The following RUNDC3B variants were observed in gnomAD, a reference collection of about 807,000 sequenced individuals.
The protein encoded by RUNDC3B is RUN domain-containing protein 3B.
A neutral mutation model predicts 58.4 loss-of-function variants in RUNDC3B; 33 were observed. The observed-to-expected ratio is 0.56, with a 90% CI of 0.43 to 0.75. The LOEUF (loss-of-function observed/expected upper bound fraction) is 0.75. RUNDC3B is among the 30% of genes least tolerant of loss of function. The probability of loss-of-function intolerance (pLI) is 0.00; values close to 1 mark genes in which losing one functional copy is unlikely to be tolerated. For synonymous variants in RUNDC3B, 193 were observed against 195.2 expected, an observed-to-expected ratio of 0.99 and a Z score of 0.10; for missense variants, 501 against 535.7, an observed-to-expected ratio of 0.94 and a Z score of 0.64.
intron 3 of RUNDC3B, among the ~76,000 whole-genome samples, chr7:87,708,764 C>T (rs1829821439): frequency 6.6e-6 from 1 of 152,026 alleles, no homozygotes; most frequent in South Asian, 2.1e-4. Flanking sequence ...AATTTCTTCT[C>T]TTCTAATTGT....
In RUNDC3B at chr7:87,700,576, CG is replaced by C. The variant is rs1025581495; in HGVS notation, c.372+23del. On this transcript the variant is annotated intron_variant, in intron 3 of 10. Transcript: ENST00000394654. ...TAAGGTAAGACATTGGTCAGAGACT[CG>C]TTTCTATTTTTTTTTTCATTGCATG... The C allele has an allele frequency of 1.0e-5, 16 of 1,582,344 alleles. No individual in the cohort carries two copies. In the African/African-American group the frequency reaches 1.8e-4, roughly 18 times the overall value.
chr7:87,689,310 A>T (rs1294566737), intron 2 of RUNDC3B, among the ~76,000 whole-genome samples: 1 of 152,058 alleles, frequency 6.6e-6, no homozygotes, highest in Non-Finnish European at 1.5e-5. Context: ...ATCTGTTTAT[A>T]GCCCTTTGAG....
chr7:87,677,461 G>A (rs1243613953), intron 2 of RUNDC3B, among the ~76,000 whole-genome samples: 1 of 152,018 alleles, frequency 6.6e-6, no homozygotes, highest in African/African-American at 2.4e-5. Flanking sequence ...TAGATATGGA[G>A]CCTAAAAATA....
chr7:87,829,966 A>T lies in RUNDC3B; in HGVS notation c.1307A>T (p.Lys436Ile), dbSNP rs371727334. 2.2e-5 allele frequency: 35 copies of T among 1,609,874 alleles called. No individual in the cohort carries two copies. The highest frequency in any genetic ancestry group is 2.9e-5 in the Non-Finnish European group (34 of 1,177,638). The change falls in exon 11 of 11, where the codon AAA (lysine) becomes ATA (isoleucine). Residue 436 changes from lysine to isoleucine, a missense_variant. By Grantham distance (102) the Lys-to-Ile change is moderately radical (BLOSUM62 -3). Transcript: ENST00000394654. ...AGTTACAAGTCTCTAACAAGCTTAA[A>T]ATCTAATGACTACCTTGCAAGTCCT... is the stretch of plus-strand genomic sequence containing the variant. ...VASYKSLTSL[K>I]SNDYLASPTT...
chr7:87,729,628 A>C (rs2130790991), intron 4 of RUNDC3B, among the ~76,000 whole-genome samples: 1 of 152,274 alleles, frequency 6.6e-6, no homozygotes, highest in East Asian at 1.9e-4. Context: ...GTCTTAAATA[A>C]ATTTAAAAAG....
At chr7:87,637,282 A>G (rs1182306164) in intron 1 of RUNDC3B, among the ~76,000 whole-genome samples, 1 of 152,180 alleles carries the variant, frequency 6.6e-6, no homozygotes, top group African/African-American at 2.4e-5. Flanking sequence ...CCAATAGTCT[A>G]TTTGTCTCTC....
chr7:87,725,776 C>G (rs899019672), intron 4 of RUNDC3B, among the ~76,000 whole-genome samples: 2 of 152,136 alleles, frequency 1.3e-5, no homozygotes, highest in African/African-American at 4.8e-5. Flanking sequence ...TTTTAATAAT[C>G]GCCATTCTAA....
intron 8 of RUNDC3B, 27 bp from the exon 9 acceptor site, chr7:87,807,346 A>G: frequency 6.2e-7 from 1 of 1,611,610 alleles, no homozygotes. Context: ...GTGAAGACAA[A>G]AGCACTCACC....
At chr7:87,682,427 T>C (rs931860652) in intron 2 of RUNDC3B, among the ~76,000 whole-genome samples, 1 of 152,192 alleles carries the variant, frequency 6.6e-6, no homozygotes, top group South Asian at 2.1e-4. Flanking sequence ...TCATTGTCTA[T>C]GGAGGCTAGA....
At chr7:87,817,039 T>C (rs1837082821) in intron 10 of RUNDC3B, among the ~76,000 whole-genome samples, 1 of 152,156 alleles carries the variant, frequency 6.6e-6, no homozygotes, top group Admixed American at 6.5e-5. Flanking sequence ...CAACTTCAGG[T>C]ATATATGAGA....
intron 6 of RUNDC3B, among the ~76,000 whole-genome samples, chr7:87,744,411 A>G (rs535960786): frequency 2.0e-4 from 30 of 152,272 alleles, no homozygotes; most frequent in African/African-American, 7.0e-4. Context: ...TAGTATGGTC[A>G]TTATTCACAA....
At chr7:87,730,278 A>T (rs1165947562) in intron 4 of RUNDC3B, among the ~76,000 whole-genome samples, 3 of 151,870 alleles carry the variant, frequency 2.0e-5, no homozygotes, top group Middle Eastern at 3.2e-3. Context: ...AAGTAGGTTC[A>T]TGGGGTCCCC....
chr7:87,710,660 A>G lies in RUNDC3B; in HGVS notation c.458+5A>G. ...GAGAGACTTCAAAACAACCAGGTTT[A>G]AAAGTCCTTTTAATTTTCTAATATA... is the stretch of plus-strand genomic sequence containing the variant. On this transcript the variant is annotated splice_donor_5th_base_variant and intron_variant, in intron 4 of 10. Coordinates refer to ENST00000394654, the MANE Select transcript of RUNDC3B (RefSeq NM_001134405.2). 6.6e-7 allele frequency: 1 copy of G among 1,511,224 alleles called. No homozygotes were observed. The highest frequency in any genetic ancestry group is 9.0e-7 in the Non-Finnish European group (1 of 1,105,734). The allele number at this position is 1,511,224 out of a possible 1,614,324, so 93.6% of individuals were successfully genotyped here. A position where few individuals can be genotyped will look rare whatever the true frequency, so the allele number is the denominator to read the frequency against.
intron 8 of RUNDC3B, among the ~76,000 whole-genome samples, chr7:87,788,511 T>C (rs747447823): frequency 2.0e-5 from 3 of 152,150 alleles, no homozygotes; most frequent in Non-Finnish European, 4.4e-5. Flanking sequence ...TTGGTTCTTA[T>C]GGTTTTATGG....
At chr7:87,702,626 T>C (rs1829194502) in intron 3 of RUNDC3B, among the ~76,000 whole-genome samples, 1 of 152,158 alleles carries the variant, frequency 6.6e-6, no homozygotes, top group African/African-American at 2.4e-5. Context: ...TTTTGACTTG[T>C]GATACAGTAA....
At chr7:87,644,672 G>A (rs1822802765) in intron 1 of RUNDC3B, among the ~76,000 whole-genome samples, 1 of 151,906 alleles carries the variant, frequency 6.6e-6, no homozygotes, top group Non-Finnish European at 1.5e-5. Flanking sequence ...TTTTCCTGAA[G>A]CATATTGGAT....
chr7:87,758,385 C>T (rs948590982), intron 6 of RUNDC3B, among the ~76,000 whole-genome samples: 1 of 151,926 alleles, frequency 6.6e-6, no homozygotes, highest in Non-Finnish European at 1.5e-5. Flanking sequence ...GAAAATACTA[C>T]CAAAAACTGT....
intron 6 of RUNDC3B, among the ~76,000 whole-genome samples, chr7:87,761,928 C>T (rs954852077): frequency 7.3e-5 from 11 of 151,630 alleles, no homozygotes; most frequent in African/African-American, 2.7e-4. Context: ...ATGAAACAGA[C>T]ATAAAGGTGT....
intron 10 of RUNDC3B, among the ~76,000 whole-genome samples, chr7:87,820,371 G>C (rs1243334821): frequency 6.6e-6 from 1 of 152,116 alleles, no homozygotes; most frequent in Non-Finnish European, 1.5e-5. Flanking sequence ...ACCAATAACA[G>C]GATCTGAAAT....
Sources: allele counts gnomAD v4.1 joint callset (sites outside exome capture counted in the v4.1 genomes callset), GRCh38; gene constraint gnomAD v4.1.1; transcripts MANE v1.5; gene names NCBI Gene and HGNC (gene_info 2026-07-23, HGNC 2026-07-21).